CADPS2: variants seen among roughly 807,000 people sequenced by gnomAD.
The protein encoded by CADPS2 is calcium dependent secretion activator 2, also known as calcium-dependent secretion activator 2.
Under a neutral mutation model 172.5 loss-of-function variants are expected in CADPS2, and 93 were observed. That is an observed-to-expected ratio of 0.54 (90% CI 0.46 to 0.64). The LOEUF (loss-of-function observed/expected upper bound fraction) is 0.64, where lower values mean the gene tolerates loss of function less well. Among genes scored for constraint, CADPS2 ranks in the 30% least tolerant of loss-of-function variants. The probability of loss-of-function intolerance (pLI) is 0.00; values close to 1 mark genes in which losing one functional copy is unlikely to be tolerated. For missense variants in CADPS2, 1,420 were observed against 1,565.9 expected, an observed-to-expected ratio of 0.91 and a Z score of 1.57; for synonymous variants, 546 against 555.2, an observed-to-expected ratio of 0.98 and a Z score of 0.23.
intron 2 of CADPS2, among the ~76,000 whole-genome samples, chr7:122,734,585 C>A (rs1588872310): frequency 6.6e-6 from 1 of 151,278 alleles, no homozygotes; most frequent in East Asian, 1.9e-4. Flanking sequence ...AAAATTACTA[C>A]ATAAAAGTAA....
chr7:122,870,157 C>T (rs754642896), intron 1 of CADPS2, among the ~76,000 whole-genome samples: 1 of 151,744 alleles, frequency 6.6e-6, no homozygotes, highest in Non-Finnish European at 1.5e-5. Context: ...CATCAAACAG[C>T]TTAGTGGATT....
In CADPS2 at chr7:122,771,037, A is replaced by G. The variant is rs565584918; in HGVS notation, c.340-33969T>C. Among the ~76,000 whole-genome samples the G allele has an allele frequency of 3.3e-4, 51 of 152,286 alleles. No individual in the cohort carries two copies. In the South Asian group the frequency reaches 8.9e-3, roughly 27 times the overall value. ...GCAAGTTTTATCCTGCTGCAGAGTT[A>G]GAATCATGGGCTTTTTGAAAAATGC... On this transcript the variant is annotated intron_variant, in intron 1 of 29. Coordinates refer to ENST00000449022, the MANE Select transcript of CADPS2 (RefSeq NM_017954.11).
intron 3 of CADPS2, among the ~76,000 whole-genome samples, chr7:122,638,088 C>T (rs2077248219): frequency 6.6e-6 from 1 of 152,180 alleles, no homozygotes; most frequent in Admixed American, 6.5e-5. Flanking sequence ...CTGACAACCT[C>T]ACCAGGTTTG....
intron 20 of CADPS2, among the ~76,000 whole-genome samples, chr7:122,403,301 A>G (rs2046192545): frequency 6.6e-6 from 1 of 152,200 alleles, no homozygotes; most frequent in African/African-American, 2.4e-5. Flanking sequence ...CTCAGTACCA[A>G]AAGGAAAATA....
At chr7:122,606,861 A>C (rs939304316) in intron 6 of CADPS2, among the ~76,000 whole-genome samples, 1 of 152,102 alleles carries the variant, frequency 6.6e-6, no homozygotes. Flanking sequence ...TATATTATTA[A>C]ATCAGTAGCC....
At chr7:122,809,372 A>T (rs34296287) in intron 1 of CADPS2, among the ~76,000 whole-genome samples, 29,516 of 150,424 alleles carry the variant, frequency 0.2, 3,034 homozygotes, top group Middle Eastern at 0.3. Flanking sequence ...GTTCAAGACC[A>T]GCCTGGCCAA....
intron 2 of CADPS2, chr7:122,676,810 G>T: frequency 1.3e-6 from 1 of 778,326 alleles, no homozygotes; most frequent in South Asian, 2.1e-5. Flanking sequence ...ACAAGATTCC[G>T]AACTCACTGT....
At chr7:122,618,498 A>G (rs1029531409) in intron 5 of CADPS2, among the ~76,000 whole-genome samples, 1 of 151,206 alleles carries the variant, frequency 6.6e-6, no homozygotes, top group African/African-American at 2.4e-5. Flanking sequence ...GGAATAGGGT[A>G]TGGTGGGAGA....
At chr7:122,324,445 C>A (rs1321191635) in intron 29 of CADPS2, among the ~76,000 whole-genome samples, 1 of 152,110 alleles carries the variant, frequency 6.6e-6, no homozygotes, top group Non-Finnish European at 1.5e-5. Flanking sequence ...GTATTAGAAC[C>A]ATCTGGAGGA....
chr7:122,569,669 G>C (rs1236142543), intron 7 of CADPS2, among the ~76,000 whole-genome samples: 30 of 142,262 alleles, frequency 2.1e-4, no homozygotes, highest in African/African-American at 7.9e-4. Flanking sequence ...GCATGGTACT[G>C]GTACCAAAAC....
intron 6 of CADPS2, among the ~76,000 whole-genome samples, chr7:122,590,141 T>A (rs1439252163): frequency 6.6e-6 from 1 of 151,766 alleles, no homozygotes; most frequent in African/African-American, 2.4e-5. Flanking sequence ...GGACTCAAAG[T>A]AGCCAAAACA....
At chr7:122,564,433 G>A (rs1013777221) in intron 7 of CADPS2, among the ~76,000 whole-genome samples, 5 of 151,816 alleles carry the variant, frequency 3.3e-5, no homozygotes, top group East Asian at 1.9e-4. Context: ...CTCAGCCTCC[G>A]GAGTAGCTGG....
intron 3 of CADPS2, among the ~76,000 whole-genome samples, chr7:122,653,883 T>C (rs1588151130): frequency 6.6e-6 from 1 of 152,196 alleles, no homozygotes; most frequent in South Asian, 2.1e-4. Flanking sequence ...CACTTCCTCA[T>C]TTCTTTCCCT....
At chr7:122,472,121 T>C (rs1278889468) in intron 13 of CADPS2, among the ~76,000 whole-genome samples, 1 of 152,172 alleles carries the variant, frequency 6.6e-6, no homozygotes, top group Non-Finnish European at 1.5e-5. Context: ...AATAAGATGT[T>C]AGAATGTATG....
chr7:122,512,402 G>T (rs2060068539), intron 9 of CADPS2, among the ~76,000 whole-genome samples: 1 of 152,000 alleles, frequency 6.6e-6, no homozygotes, highest in Non-Finnish European at 1.5e-5. Flanking sequence ...CATATATTGG[G>T]AACAAAATAG....
At chr7:122,478,917 C>A (rs1404872741) in intron 12 of CADPS2, among the ~76,000 whole-genome samples, 1 of 152,050 alleles carries the variant, frequency 6.6e-6, no homozygotes, top group Admixed American at 6.6e-5. Flanking sequence ...TGCACATGTA[C>A]CCTAGAACTT....
At chr7:122,729,080 C>G (rs1248823422) in intron 2 of CADPS2, among the ~76,000 whole-genome samples, 1 of 151,780 alleles carries the variant, frequency 6.6e-6, no homozygotes, top group Non-Finnish European at 1.5e-5. Flanking sequence ...ATGTGATCAA[C>G]TCTCTTAGAT....
intron 1 of CADPS2, among the ~76,000 whole-genome samples, chr7:122,739,468 A>G (rs965271575): frequency 3.9e-5 from 6 of 152,168 alleles, no homozygotes; most frequent in Non-Finnish European, 8.8e-5. Context: ...ACTCTTTGGT[A>G]ATTACAGTGT....
In CADPS2 at chr7:122,859,837, T is replaced by G. The variant is rs574959219; in HGVS notation, c.339+26162A>C. Among the ~76,000 whole-genome samples, 4 of 152,262 alleles carry G rather than the reference T, an allele frequency of 2.6e-5. No individual in the cohort carries two copies. In the South Asian group the frequency reaches 8.3e-4, roughly 32 times the overall value. ...ATTTTTTGTTTATTTGTAATTTTAT[T>G]TGTAATTTTTTCCCAAGTATCTTCA... is the stretch of plus-strand genomic sequence containing the variant. On this transcript the variant is annotated intron_variant, in intron 1 of 29. Coordinates refer to ENST00000449022, the MANE Select transcript of CADPS2 (RefSeq NM_017954.11).
Sources: gnomAD v4.1 joint callset for allele counts (sites outside exome capture counted in the v4.1 genomes callset) on GRCh38, gnomAD v4.1.1 for gene constraint, MANE v1.5 for transcripts, NCBI Gene and HGNC (gene_info 2026-07-23, HGNC 2026-07-21) for gene names.